The following MEX3C variants were observed in gnomAD, a reference collection of about 807,000 sequenced individuals.
MEX3C encodes the protein RNA-binding E3 ubiquitin-protein ligase MEX3C.
In MEX3C, 15 loss-of-function variants were observed where a neutral mutation model predicts 35.5. The ratio of observed to expected loss-of-function variants is 0.42; its 90% confidence interval spans 0.28 to 0.65. The LOEUF is 0.65. Ranked by LOEUF, MEX3C falls within the 30% of genes least tolerant of loss-of-function variation. MEX3C has a pLI of 0.20. For synonymous variants in MEX3C, 390 were observed against 352.8 expected (o/e 1.11, Z -1.18); for missense variants, 711 against 842.8 (o/e 0.84, Z 1.94).
chr18:51,181,514 A>C (rs200231733), intron 1 of MEX3C, among the ~76,000 whole-genome samples: 1 of 1,330 alleles, frequency 7.5e-4, no homozygotes, highest in African/African-American at 7.6e-4. Context: ...CAATGCTAGT[A>C]AAGAGTGGGG....
rs543537863 is a variant in MEX3C, at chr18:51,174,850, G to A, written c.*1501C>T. 2 of 152,560 alleles carry A rather than the reference G, an allele frequency of 1.3e-5. No individual in the cohort carries two copies. Among genetic ancestry groups the A allele is most frequent in the African/African-American group, 4.8e-5 (2 of 41,532 alleles). The allele number at this position is 152,560 out of a possible 1,614,324, so 9.5% of individuals were successfully genotyped here. On this transcript the variant is annotated 3_prime_UTR_variant, in exon 2 of 2. Coordinates refer to ENST00000406189, the MANE Select transcript of MEX3C (RefSeq NM_016626.5). ...ACAGTACACGCACCTAATATATGTC[G>A]ATTCCTTGGCTTATTAGTTGCAGTG...
intron 1 of MEX3C, among the ~76,000 whole-genome samples, chr18:51,186,981 G>C (rs901810977): frequency 6.6e-6 from 1 of 152,130 alleles, no homozygotes; most frequent in African/African-American, 2.4e-5. Context: ...TTTCCCAAGA[G>C]GTTTTGTTTT....
chr18:51,193,223 A>G (rs1327098286), intron 1 of MEX3C: 1 of 152,196 alleles, frequency 6.6e-6, no homozygotes, highest in African/African-American at 2.4e-5. Flanking sequence ...TGTACAATAA[A>G]AAGAAGCTAG....
At position 51,185,829 on chromosome 18, in the gene MEX3C, G is replaced by A. The variant is rs566401663; in HGVS notation, c.755-8253C>T. 9.9e-5 allele frequency among the ~76,000 whole-genome samples: 15 copies of A among 152,222 alleles called. No individual in the cohort carries two copies. The South Asian group carries it at 1.9e-3, about 19-fold the overall frequency. ...AATCCCAACACTTTGGGAGGCAGAG[G>A]TGGGAGGATTGCTTGAGGCCAGAAG... is the stretch of plus-strand genomic sequence containing the variant. On this transcript the variant is annotated intron_variant, in intron 1 of 1. Coordinates refer to ENST00000406189, the MANE Select transcript of MEX3C (RefSeq NM_016626.5).
At position 51,197,609 on chromosome 18, in the gene MEX3C, T is replaced by G. The variant is rs1912855590; in HGVS notation, c.-289A>C. Among the ~76,000 whole-genome samples, 1 of 151,268 alleles carries G rather than the reference T, an allele frequency of 6.6e-6. No individual in the cohort carries two copies. Among genetic ancestry groups the G allele is most frequent in the Non-Finnish European group, 1.5e-5 (1 of 67,732 alleles). ...GCAGCGGCTCCCCTCTCAGTGTTTCTTTTGTTTCATGGCCTTAACCAGCCC... is the reference window on the plus strand; with the variant it reads ...GCAGCGGCTCCCCTCTCAGTGTTTCGTTTGTTTCATGGCCTTAACCAGCCC... On this transcript the variant is annotated 5_prime_UTR_variant, in exon 1 of 2. Transcript: ENST00000406189.
At chr18:51,192,272 A>G (rs1368597345) in intron 1 of MEX3C, among the ~76,000 whole-genome samples, 4 of 152,154 alleles carry the variant, frequency 2.6e-5, no homozygotes, top group African/African-American at 9.7e-5. Context: ...CATTAGCTGA[A>G]TAAGGCAGGA....
At chr18:51,181,480 T>C (rs1354844743) in intron 1 of MEX3C, among the ~76,000 whole-genome samples, 1 of 146,388 alleles carries the variant, frequency 6.8e-6, no homozygotes, top group African/African-American at 2.5e-5. Flanking sequence ...CCTATAAGAT[T>C]GTCAAATAAC....
chr18:51,189,459 G>C (rs1912608017), intron 1 of MEX3C, among the ~76,000 whole-genome samples: 1 of 152,142 alleles, frequency 6.6e-6, no homozygotes, highest in Non-Finnish European at 1.5e-5. Flanking sequence ...ATCCCAATAA[G>C]AATATTTCTA....
intron 1 of MEX3C, among the ~76,000 whole-genome samples, chr18:51,186,180 A>G (rs1303599029): frequency 6.6e-6 from 1 of 152,202 alleles, no homozygotes; most frequent in Non-Finnish European, 1.5e-5. Context: ...TGCTAGTGCT[A>G]CTTCCAGGTG....
At chr18:51,178,381 T>G (rs1178202939) in intron 1 of MEX3C, among the ~76,000 whole-genome samples, 2 of 152,076 alleles carry the variant, frequency 1.3e-5, no homozygotes, top group Non-Finnish European at 2.9e-5. Flanking sequence ...CAACTTTTTT[T>G]TTTTTTTTTG....
chr18:51,182,772 A>C (rs1051550077), intron 1 of MEX3C, among the ~76,000 whole-genome samples: 3 of 152,230 alleles, frequency 2.0e-5, no homozygotes, highest in Non-Finnish European at 4.4e-5. Flanking sequence ...ATTAAAATGA[A>C]GGTAATCTTC....
chr18:51,185,709 G>A (rs1912522100), intron 1 of MEX3C, among the ~76,000 whole-genome samples: 1 of 152,086 alleles, frequency 6.6e-6, no homozygotes, highest in South Asian at 2.1e-4. Context: ...CATAAGGTAG[G>A]GTCAGGAAAG....
rs1166236186 is a variant in MEX3C at position 51,196,795 on chromosome 18, C to T, written c.526G>A (p.Glu176Lys). ...LLPAARFDAREAAAAAAAAGV... is the reference protein window; with the variant it reads ...LLPAARFDARKAAAAAAAAGV... ...GCCGCCGCCGCCGCGGCCGCCGCCT[C>T]CCGGGCATCGAACCTGGCGGCTGGC... The change falls in exon 1 of 2, where the codon GAG (glutamate) becomes AAG (lysine). Residue 176 changes from glutamate (E) to lysine (K), a missense_variant. By Grantham distance (56) the Glu-to-Lys change is moderately conservative (BLOSUM62 1). Around this residue, in one of 4 missense-constraint regions of MEX3C, gnomAD observed 354 missense variants for 311.6 expected, o/e 1.14. Transcript: ENST00000406189. The T allele has an allele frequency of 6.5e-7, 1 of 1,530,622 alleles. No homozygotes were observed. Among genetic ancestry groups the T allele is most frequent in the Non-Finnish European group, 8.7e-7 (1 of 1,144,194 alleles). The allele number at this position is 1,530,622 out of a possible 1,614,324, so 94.8% of individuals were successfully genotyped here. A position where few individuals can be genotyped will look rare whatever the true frequency, so the allele number is the denominator to read the frequency against.
chr18:51,187,790 A>G (rs1006925461), intron 1 of MEX3C, among the ~76,000 whole-genome samples: 3 of 152,240 alleles, frequency 2.0e-5, no homozygotes, highest in African/African-American at 7.2e-5. Context: ...AAGGGGTTGT[A>G]TTAATAATTT....
intron 1 of MEX3C, among the ~76,000 whole-genome samples, chr18:51,187,190 T>C (rs1912559237): frequency 6.6e-6 from 1 of 151,956 alleles, no homozygotes; most frequent in Non-Finnish European, 1.5e-5. Context: ...TTACATAATC[T>C]GGAAAACCCT....
intron 1 of MEX3C, 200 bp downstream of exon 1, chr18:51,196,367 G>C (rs1217689099): frequency 8.1e-7 from 1 of 1,236,846 alleles, no homozygotes; most frequent in African/African-American, 1.6e-5. Context: ...TTTTTACCAG[G>C]CAAGACGGGC....
chr18:51,197,293 C>G lies in MEX3C; in HGVS notation c.28G>C (p.Ala10Pro). ...AGGGGGGCCGGGGCCGCCGCCAGGG[C>G]CAGGGCCGCGGAGCTGCCGCTGGGC... MPSGSSAAL[A>P]LAAAPAPLPQ... is the part of the protein sequence containing the mutation. Residue 10 changes from alanine (A) to proline (P), a missense_variant, in exon 1 of 2, where the codon GCC (alanine) becomes CCC (proline). By Grantham distance (27) the Ala-to-Pro change is conservative (BLOSUM62 -1). Around this residue, in one of 4 missense-constraint regions of MEX3C, gnomAD observed 354 missense variants for 311.6 expected, o/e 1.14. Coordinates refer to ENST00000406189, the MANE Select transcript of MEX3C (RefSeq NM_016626.5). 2.8e-6 allele frequency: 2 copies of G among 702,544 alleles called. No homozygotes were observed. Among genetic ancestry groups the G allele is most frequent in the Non-Finnish European group, 3.5e-6 (2 of 574,570 alleles). The allele number at this position is 702,544 out of a possible 1,614,324, so 43.5% of individuals were successfully genotyped here. A position where few individuals can be genotyped will look rare whatever the true frequency, so the allele number is the denominator to read the frequency against.
rs182432331 is a variant in MEX3C at position 51,192,439 on chromosome 18, T to A, written c.754+4128A>T. Among the ~76,000 whole-genome samples the A allele has an allele frequency of 2.2e-3, 331 of 152,314 alleles. 1 individual carries two copies. The highest frequency in any genetic ancestry group is 3.3e-3 in the Non-Finnish European group (225 of 68,004). ...TTAATTTTTAAAGCTAGTGTCTATA[T>A]ATATACGCAAATTAACTTTCTGTAC... On this transcript the variant is annotated intron_variant, in intron 1 of 1. Transcript: ENST00000406189.
At position 51,197,249 on chromosome 18, in the gene MEX3C, C is replaced by CG; in HGVS notation, c.71dup (p.Pro25AlafsTer230). 2.1e-6 allele frequency: 2 copies of CG among 962,618 alleles called. No individual in the cohort carries two copies. Among genetic ancestry groups the CG allele is most frequent in the Non-Finnish European group, 2.5e-6 (2 of 811,218 alleles). 59.6% of individuals were successfully genotyped at this position (962,618 alleles called of 1,614,324 possible). On this transcript the variant is annotated frameshift_variant, in exon 1 of 2. Transcript: ENST00000406189. LOFTEE classifies it high-confidence loss of function. ...GCAGAGGCGGCGGTGGCGGCGGCGG[C>CG]GGCGGGGGCGGCTGCGGCAGGGGGG...
Sources: allele counts gnomAD v4.1 joint callset (sites outside exome capture counted in the v4.1 genomes callset), GRCh38; gene constraint gnomAD v4.1.1; regional missense constraint gnomAD v4.1.1; transcripts MANE v1.5; gene names NCBI Gene and HGNC (gene_info 2026-07-23, HGNC 2026-07-21).